Variants in MTR observed in about 807,000 individuals in gnomAD.
MTR encodes 5-methyltetrahydrofolate-homocysteine methyltransferase.
A neutral mutation model predicts 154.8 loss-of-function variants in MTR; 84 were observed. That is an observed-to-expected ratio of 0.54 (90% CI 0.45 to 0.65). MTR has a LOEUF of 0.65. Ranked by LOEUF, MTR falls within the 30% of genes least tolerant of loss-of-function variation. MTR has a pLI of 0.00. For synonymous variants in MTR, 554 were observed against 553.9 expected, an observed-to-expected ratio of 1.00 and a Z score of 0.00; for missense variants, 1,275 against 1,570.2, an observed-to-expected ratio of 0.81 and a Z score of 3.18.
chr1:236,874,824 A>T lies in MTR; in HGVS notation c.2572A>T (p.Ile858Phe). The T allele has an allele frequency of 6.2e-7, 1 of 1,613,636 alleles. No homozygotes were observed. Among genetic ancestry groups the T allele is most frequent in the Non-Finnish European group, 8.5e-7 (1 of 1,179,864 alleles). Residue 858 changes from isoleucine to phenylalanine, a missense_variant, in exon 24 of 33, where the codon ATT (isoleucine) becomes TTT (phenylalanine). Physicochemically the swap from Ile to Phe is conservative, Grantham distance 21 (BLOSUM62 0). Coordinates refer to ENST00000366577, the MANE Select transcript of MTR (RefSeq NM_000254.3). ...ATTAGCTATAAGGATTCCATTGTTGATTGGAGGAGCAACCACTTCAAAGTA... is the reference window on the plus strand; with the variant it reads ...ATTAGCTATAAGGATTCCATTGTTGTTTGGAGGAGCAACCACTTCAAAGTA... ...ERLAIRIPLLIGGATTSKTHT... is the reference protein window; with the variant it reads ...ERLAIRIPLLFGGATTSKTHT...
chr1:236,863,423 G>C (rs775838883), intron 21 of MTR, 31 bp from the exon 22 acceptor site: 1 of 1,590,688 alleles, frequency 6.3e-7, no homozygotes, highest in African/African-American at 1.3e-5. Context: ...AAACAACCCT[G>C]CCTTGCTGAG....
Position 236,850,506 on chromosome 1 carries a change from G to A in MTR, c.1678G>A (p.Ala560Thr). 1 of 1,613,590 alleles carries A rather than the reference G, an allele frequency of 6.2e-7. No homozygotes were observed. Among genetic ancestry groups the A allele is most frequent in the Non-Finnish European group, 8.5e-7 (1 of 1,179,780 alleles). The change falls in exon 16 of 33, where the codon GCA (alanine) becomes ACA (threonine). Residue 560 changes from alanine to threonine, a missense_variant. Coordinates refer to ENST00000366577, the MANE Select transcript of MTR (RefSeq NM_000254.3). ...HNLYAINFIH[A>T]TKVIKETLPG... is the part of the protein sequence containing the mutation. ...CTTGTATGCCATTAATTTTATCCATGCAACAAAAGTCATTAAAGTAAGTGT... is the reference window on the plus strand; with the variant it reads ...CTTGTATGCCATTAATTTTATCCATACAACAAAAGTCATTAAAGTAAGTGT...
chr1:236,841,647 CTTT>C (rs376000408), intron 15 of MTR, among the ~76,000 whole-genome samples: 1 of 145,846 alleles, frequency 6.9e-6, no homozygotes. Context: ...CTTGGTTAAT[CTTT>C]TTTTTTTTTT....
At chr1:236,844,578 A>G (rs1663461519) in intron 15 of MTR, among the ~76,000 whole-genome samples, 1 of 151,966 alleles carries the variant, frequency 6.6e-6, no homozygotes, top group Non-Finnish European at 1.5e-5. Flanking sequence ...GATGCAGGAG[A>G]TAAAGGATAC....
chr1:236,841,509 C>T (rs1397433936), intron 15 of MTR, among the ~76,000 whole-genome samples: 1 of 152,202 alleles, frequency 6.6e-6, no homozygotes, highest in Non-Finnish European at 1.5e-5. Flanking sequence ...AGAATTCTCC[C>T]TCCAAGTCTT....
intron 32 of MTR, among the ~76,000 whole-genome samples, 192 bp downstream of exon 32, chr1:236,897,310 G>GCGCGCGCGCACACACACA: frequency 0.13 from 16,416 of 128,578 alleles, 1,378 homozygotes; most frequent in Admixed American, 0.21. Flanking sequence ...CCACACACAC[G>GCGCGCGCGCACACACACA]CACACACACA....
intron 15 of MTR, among the ~76,000 whole-genome samples, chr1:236,844,286 A>G (rs1663432777): frequency 6.6e-6 from 1 of 152,142 alleles, no homozygotes; most frequent in African/African-American, 2.4e-5. Flanking sequence ...GTCATTTGTG[A>G]TCTTGCTGTA....
chr1:236,893,891 A>G (rs990608028), intron 29 of MTR, among the ~76,000 whole-genome samples: 6 of 152,178 alleles, frequency 3.9e-5, no homozygotes, highest in African/African-American at 1.2e-4. Context: ...GCTGACCCCA[A>G]CAGTTTGTTG....
intron 8 of MTR, among the ~76,000 whole-genome samples, chr1:236,821,212 C>G (rs182378588): frequency 1.3e-5 from 2 of 152,202 alleles, no homozygotes; most frequent in African/African-American, 4.8e-5. Flanking sequence ...TGAAAGGGCA[C>G]GTTAGCATGT....
intron 22 of MTR, among the ~76,000 whole-genome samples, chr1:236,865,031 G>A (rs917970035): frequency 2.6e-5 from 4 of 152,178 alleles, no homozygotes; most frequent in African/African-American, 7.2e-5. Flanking sequence ...TGGATTCTTA[G>A]CTGAGAGTAT....
At chr1:236,802,632 A>G (rs766114732) in intron 1 of MTR, among the ~76,000 whole-genome samples, 3 of 152,072 alleles carry the variant, frequency 2.0e-5, no homozygotes, top group Non-Finnish European at 4.4e-5. Context: ...TTTGTACGGG[A>G]TTAGGTGAAA....
In MTR at chr1:236,816,463, C is replaced by A. The variant is rs1343180495; in HGVS notation, c.684C>A (p.Ile228=). The A allele has an allele frequency of 3.7e-6, 6 of 1,614,020 alleles. No individual in the cohort carries two copies. The East Asian group carries it at 1.3e-4, about 36-fold the overall frequency. ...APRPIFISGT[I]VDKSGRTLSG... Reference sequence around the variant, plus strand: ...TGTCAATTCAGATTTCAGGGACGATCGTTGATAAAAGTGGGCGGACTCTTT... The same window carrying A: ...TGTCAATTCAGATTTCAGGGACGATAGTTGATAAAAGTGGGCGGACTCTTT... The change falls in exon 8 of 33, where the codon ATC becomes ATA. Residue 228 remains isoleucine (I), a synonymous_variant. Transcript: ENST00000366577.
At chr1:236,804,918 T>G (rs1660893547) in intron 2 of MTR, among the ~76,000 whole-genome samples, 1 of 152,208 alleles carries the variant, frequency 6.6e-6, no homozygotes, top group Admixed American at 6.5e-5. Context: ...TTCTATTTTT[T>G]TTTTTACTTA....
At chr1:236,842,954 T>C (rs144991266) in intron 15 of MTR, among the ~76,000 whole-genome samples, 1 of 151,458 alleles carries the variant, frequency 6.6e-6, no homozygotes, top group African/African-American at 2.4e-5. Flanking sequence ...GATGTGGTAA[T>C]GTATGCCTGT....
chr1:236,795,828 G>A, intron 1 of MTR, 91 bp downstream of exon 1: 1 of 1,594,300 alleles, frequency 6.3e-7, no homozygotes, highest in Non-Finnish European at 8.6e-7. Context: ...CTTCTGCGGC[G>A]GGAGACGCCC....
chr1:236,888,619 C>G (rs1287442574), intron 27 of MTR, among the ~76,000 whole-genome samples: 1 of 152,146 alleles, frequency 6.6e-6, no homozygotes, highest in Non-Finnish European at 1.5e-5. Flanking sequence ...TGCACACATG[C>G]TTGGCAGAGT....
intron 27 of MTR, among the ~76,000 whole-genome samples, chr1:236,888,466 C>T (rs771615296): frequency 4.6e-5 from 7 of 152,350 alleles, no homozygotes; most frequent in African/African-American, 7.2e-5. Flanking sequence ...TAAACATCCA[C>T]GTATACCCAC....
intron 3 of MTR, among the ~76,000 whole-genome samples, chr1:236,806,544 T>C (rs961067441): frequency 6.6e-6 from 1 of 152,210 alleles, no homozygotes; most frequent in Admixed American, 6.5e-5. Context: ...TTTTAAGTAT[T>C]AGATGGCAGC....
At chr1:236,851,604 T>A (rs1177396902) in intron 16 of MTR, among the ~76,000 whole-genome samples, 2 of 152,232 alleles carry the variant, frequency 1.3e-5, no homozygotes, top group Non-Finnish European at 2.9e-5. Context: ...AGCCCTGTAT[T>A]TCTCCTAGGA....
Sources: allele counts gnomAD v4.1 joint callset (sites outside exome capture counted in the v4.1 genomes callset), GRCh38; gene constraint gnomAD v4.1.1; transcripts MANE v1.5; gene names NCBI Gene and HGNC (gene_info 2026-07-23, HGNC 2026-07-21).